OR51B5: variants seen among roughly 807,000 people sequenced by gnomAD.
OR51B5 encodes olfactory receptor family 51 subfamily B member 5.
For synonymous variants in OR51B5, 186 were observed against 144.8 expected (o/e 1.28, Z -2.04); for missense variants, 456 against 374.6 (o/e 1.22, Z -1.79).
intron 1 of OR51B5, among the ~76,000 whole-genome samples, chr11:5,500,759 C>T (rs796390553): frequency 4.2e-4 from 62 of 148,330 alleles, no homozygotes; most frequent in African/African-American, 1.5e-3. Flanking sequence ...GACCAATGAA[C>T]TTTTGTTTCA....
At chr11:5,383,212 G>C (rs1397641969) in intron 1 of OR51B5, among the ~76,000 whole-genome samples, 2 of 152,184 alleles carry the variant, frequency 1.3e-5, no homozygotes, top group Non-Finnish European at 2.9e-5. Flanking sequence ...AGATGAAGTA[G>C]AGAGCTTTGG....
chr11:5,378,254 C>T (rs922566830), intron 1 of OR51B5, among the ~76,000 whole-genome samples: 28 of 151,932 alleles, frequency 1.8e-4, no homozygotes, highest in Admixed American at 1.6e-3. Context: ...AACTGGCTAG[C>T]CATATGTAGA....
At chr11:5,484,433 T>G in intron 1 of OR51B5, among the ~76,000 whole-genome samples, 1 of 152,270 alleles carries the variant, frequency 6.6e-6, no homozygotes, top group South Asian at 2.1e-4. Flanking sequence ...AGGGCAAGAA[T>G]AGGCCAGAAA....
intron 1 of OR51B5, chr11:5,489,121 C>G (rs1267487693): frequency 4.3e-6 from 7 of 1,613,986 alleles, no homozygotes; most frequent in Admixed American, 1.7e-5. Flanking sequence ...CACAACCATT[C>G]TCAACCATGC....
intron 1 of OR51B5, among the ~76,000 whole-genome samples, chr11:5,418,179 C>T (rs1471045011): frequency 1.3e-5 from 2 of 152,000 alleles, no homozygotes; most frequent in African/African-American, 2.4e-5. Flanking sequence ...ACCGCATATT[C>T]TCACTCATAG....
At chr11:5,467,304 G>C (rs952065596) in intron 1 of OR51B5, among the ~76,000 whole-genome samples, 1 of 152,114 alleles carries the variant, frequency 6.6e-6, no homozygotes, top group East Asian at 1.9e-4. Flanking sequence ...TTAATGAGAC[G>C]TTCAGGGGGT....
upstream of OR51B5, among the ~76,000 whole-genome samples, chr11:5,343,794 TC>T (rs1391437873): frequency 5.3e-5 from 8 of 152,282 alleles, no homozygotes; most frequent in African/African-American, 1.7e-4. Flanking sequence ...AGCATTCTCT[TC>T]AGAAAAAAAA....
chr11:5,373,850 C>G (rs906058692), intron 1 of OR51B5, among the ~76,000 whole-genome samples: 2 of 152,140 alleles, frequency 1.3e-5, no homozygotes, highest in African/African-American at 4.8e-5. Flanking sequence ...GTGGACCCCA[C>G]CACAGCTCAA....
intron 1 of OR51B5, among the ~76,000 whole-genome samples, chr11:5,433,460 T>G: frequency 6.6e-6 from 1 of 152,214 alleles, no homozygotes; most frequent in South Asian, 2.1e-4. Context: ...ATTTGATGTA[T>G]GAGTCAGTGA....
At chr11:5,440,948 T>C (rs1027767572) in intron 1 of OR51B5, 2 of 1,613,978 alleles carry the variant, frequency 1.2e-6, no homozygotes, top group Non-Finnish European at 1.7e-6. Context: ...CTCCACATGC[T>C]ACTTTCATGA....
At chr11:5,468,532 T>G (rs1851173400) in intron 1 of OR51B5, 2 of 370,554 alleles carry the variant, frequency 5.4e-6, no homozygotes, top group South Asian at 2.0e-5. Context: ...CCTGCGAATC[T>G]CCTTAGTCTT....
At chr11:5,370,187 A>G (rs1309383280) in intron 1 of OR51B5, among the ~76,000 whole-genome samples, 2 of 152,200 alleles carry the variant, frequency 1.3e-5, no homozygotes, top group East Asian at 1.9e-4. Flanking sequence ...ATAATCATCA[A>G]TGTATTTATT....
intron 1 of OR51B5, among the ~76,000 whole-genome samples, chr11:5,475,651 A>C (rs1851294337): frequency 6.6e-6 from 1 of 152,220 alleles, no homozygotes; most frequent in Admixed American, 6.5e-5. Context: ...TAAATGGAAA[A>C]GTATGCATTT....
intron 1 of OR51B5, chr11:5,355,683 C>A (rs1462682415): frequency 6.6e-6 from 1 of 151,936 alleles, no homozygotes. Flanking sequence ...ATCCACAAAT[C>A]ATCTGTAAAA....
intron 1 of OR51B5, chr11:5,423,276 C>T (rs2647572): frequency 0.4 from 515,496 of 1,297,290 alleles, 106,022 homozygotes; most frequent in East Asian, 0.68. Flanking sequence ...TGACAAGTCC[C>T]TGGCTTTTAG....
intron 1 of OR51B5, among the ~76,000 whole-genome samples, chr11:5,370,046 T>A (rs1250608455): frequency 6.6e-6 from 1 of 152,150 alleles, no homozygotes; most frequent in African/African-American, 2.4e-5. Flanking sequence ...GGAGAGTCAG[T>A]GTTCCACAAA....
At chr11:5,472,478 A>G (rs576417528) in intron 1 of OR51B5, among the ~76,000 whole-genome samples, 1 of 152,212 alleles carries the variant, frequency 6.6e-6, no homozygotes, top group Admixed American at 6.5e-5. Context: ...ACACAGCCCC[A>G]CTGCCAGCCT....
rs1850362987 is a variant in OR51B5, at chr11:5,422,607, C to G, written n.85-75697G>C. ...ATCTGCTGTCCCCTCCATTATGCCT[C>G]CATCCTCACCAATGAAGTCATTGGT... On this transcript the variant is annotated intron_variant and non_coding_transcript_variant, in intron 1 of 4. Coordinates refer to the OR51B5 transcript ENST00000415970. 1.2e-6 allele frequency: 2 copies of G among 1,614,132 alleles called. No individual in the cohort carries two copies. Among genetic ancestry groups the G allele is most frequent in the Non-Finnish European group, 1.7e-6 (2 of 1,180,014 alleles).
chr11:5,410,946 G>GTGT (rs1554888793), intron 1 of OR51B5, among the ~76,000 whole-genome samples: 2 of 151,866 alleles, frequency 1.3e-5, no homozygotes, highest in Non-Finnish European at 2.9e-5. Context: ...GGATTTAGCT[G>GTGT]TATTACAAAA....
Sources: allele counts gnomAD v4.1 joint callset (sites outside exome capture counted in the v4.1 genomes callset), GRCh38; gene constraint gnomAD v4.1.1; transcripts MANE v1.5; gene names NCBI Gene and HGNC (gene_info 2026-07-23, HGNC 2026-07-21).